The following CCKAR variants were observed in gnomAD, a reference collection of about 807,000 sequenced individuals.
CCKAR encodes the protein cholecystokinin receptor type A.
In CCKAR, 21 loss-of-function variants were observed where a neutral mutation model predicts 29.8. That is an observed-to-expected ratio of 0.70 (90% confidence interval 0.50 to 1.01). The LOEUF (loss-of-function observed/expected upper bound fraction) is 1.01. Among genes scored for constraint, CCKAR ranks in the 50% least tolerant of loss-of-function variants. The pLI is 0.00. For synonymous variants in CCKAR, 238 were observed against 221.3 expected (o/e 1.08, Z -0.67); for missense variants, 570 against 560.6 (o/e 1.02, Z -0.17).
At chr4:26,482,234 C>G in intron 4 of CCKAR, 64 bp from the exon 5 acceptor site, 1 of 1,456,818 alleles carries the variant, frequency 6.9e-7, no homozygotes, top group South Asian at 1.3e-5. Context: ...AGGCATGGAG[C>G]CCCCACTCCC....
chr4:26,485,737 A>G lies in CCKAR; in HGVS notation c.526T>C (p.Tyr176His), dbSNP rs1324441397. The change falls in exon 3 of 5, where the codon TAC becomes CAC. Residue 176 changes from tyrosine to histidine, a missense_variant. Physicochemically the swap from Tyr to His is moderately conservative, Grantham distance 83 (BLOSUM62 2). Transcript: ENST00000295589. ...GGCACCAAGTTGCTATAAATGGGGTACGGAGTCATGATGGTAAAGGAAAGG... is the reference window on the plus strand; with the variant it reads ...GGCACCAAGTTGCTATAAATGGGGTGCGGAGTCATGATGGTAAAGGAAAGG... Reference protein sequence around the residue: ...WCLSFTIMTPYPIYSNLVPFT... With the variant: ...WCLSFTIMTPHPIYSNLVPFT... 2.5e-6 allele frequency: 4 copies of G among 1,614,184 alleles called. No homozygotes were observed. In the East Asian group the frequency reaches 8.9e-5, roughly 36 times the overall value.
Position 26,481,911 on chromosome 4 carries a change from G to A in CCKAR, c.1014C>T (p.Tyr338=), listed in dbSNP as rs200960240. The A allele has an allele frequency of 4.3e-6, 7 of 1,614,120 alleles. No individual in the cohort carries two copies. Among genetic ancestry groups the A allele is most frequent in the Middle Eastern group, 1.6e-4 (1 of 6,084 alleles). The change falls in exon 5 of 5, where the codon TAC becomes TAT. Residue 338 remains tyrosine (Y), a synonymous_variant. Transcript: ENST00000295589. The stretch of plus-strand genomic sequence containing the variant: ...GGCGGCGCTCTGCGGAGGCGGTGTC[G>A]TAGGCCCGCCAGGCGTTGGCGCTGA... ...PIFSANAWRA[Y]DTASAERRLS... is the part of the protein sequence containing the mutation.
At position 26,485,713 on chromosome 4, in the gene CCKAR, G is replaced by A. The variant is rs1737435494; in HGVS notation, c.550C>T (p.Pro184Ser). The change falls in exon 3 of 5, where the codon CCT becomes TCT. Residue 184 changes from proline to serine, a missense_variant. Pro to Ser is a moderately conservative substitution (Grantham distance 74). Transcript: ENST00000295589. ...TPYPIYSNLV[P>S]FTKNNNQTAN... ...GTCTGGTTGTTATTTTTGGTAAAAGGCACCAAGTTGCTATAAATGGGGTAC... is the reference window on the plus strand; with the variant it reads ...GTCTGGTTGTTATTTTTGGTAAAAGACACCAAGTTGCTATAAATGGGGTAC... The A allele has an allele frequency of 1.2e-6, 2 of 1,614,120 alleles. No individual in the cohort carries two copies. Among genetic ancestry groups the A allele is most frequent in the Non-Finnish European group, 1.7e-6 (2 of 1,180,000 alleles).
Position 26,481,793 on chromosome 4 carries a change from G to T in CCKAR, c.1132C>A (p.Arg378Ser). Residue 378 changes from arginine (R) to serine (S), a missense_variant, in exon 5 of 5, where the codon CGC becomes AGC. By Grantham distance (110) the Arg-to-Ser change is moderately radical. Transcript: ENST00000295589. ...GGGAAGGTGGCCATGAAGCCGAGGC[G>T]GAAGCGTTTGTTCATGAAGCAGTAG... ...IIYCFMNKRF[R>S]LGFMATFPCC... 1 of 1,613,952 alleles carries T rather than the reference G, an allele frequency of 6.2e-7. No individual in the cohort carries two copies. The highest frequency in any genetic ancestry group is 1.1e-5 in the South Asian group (1 of 91,022).
chr4:26,482,257 G>T, intron 4 of CCKAR, 87 bp from the exon 5 acceptor site: 2 of 1,307,018 alleles, frequency 1.5e-6, no homozygotes, highest in Admixed American at 4.4e-5. Flanking sequence ...CCATCAAGAA[G>T]TCCAAACCAA....
intron 3 of CCKAR, among the ~76,000 whole-genome samples, 190 bp from the exon 4 acceptor site, chr4:26,483,473 T>C (rs1055241956): frequency 1.3e-5 from 2 of 151,374 alleles, no homozygotes; most frequent in Non-Finnish European, 3.0e-5. Flanking sequence ...TTTTCTTTTT[T>C]TAGATGAAGT....
In CCKAR at chr4:26,490,330, C is replaced by G. The variant is rs1374475241; in HGVS notation, c.-63G>C. ...GTGAATTGCTCACTCCCGGCTCATT[C>G]CTCTAATGACCGAAGCGTCTCGCAG... On this transcript the variant is annotated 5_prime_UTR_variant, in exon 1 of 5. Coordinates refer to ENST00000295589, the MANE Select transcript of CCKAR (RefSeq NM_000730.3). The G allele has an allele frequency of 1.8e-6, 2 of 1,089,476 alleles. No homozygotes were observed. Among genetic ancestry groups the G allele is most frequent in the African/African-American group, 1.5e-5 (1 of 64,944 alleles). 67.5% of individuals were successfully genotyped at this position (1,089,476 alleles called of 1,614,324 possible). A position where few individuals can be genotyped will look rare whatever the true frequency, so the allele number is the denominator to read the frequency against.
At chr4:26,484,283 C>T (rs1191452410) in intron 3 of CCKAR, among the ~76,000 whole-genome samples, 1 of 152,150 alleles carries the variant, frequency 6.6e-6, no homozygotes, top group East Asian at 1.9e-4. Flanking sequence ...TGGAAATATT[C>T]CTCTCATTTG....
intron 3 of CCKAR, 38 bp from the exon 4 acceptor site, chr4:26,483,321 T>C (rs201432135): frequency 4.4e-6 from 7 of 1,605,392 alleles, no homozygotes; most frequent in South Asian, 1.1e-5. Context: ...CCAGCAACTT[T>C]AGACCTTCAA....
rs201916972 is a variant in CCKAR at position 26,481,830 on chromosome 4, G to T, written c.1095C>A (p.Val365=). The T allele has an allele frequency of 2.7e-5, 43 of 1,613,634 alleles. No individual in the cohort carries two copies. Among genetic ancestry groups the T allele is most frequent in the Non-Finnish European group, 3.1e-5 (37 of 1,179,814 alleles). Residue 365 remains valine (V), a synonymous_variant, in exon 5 of 5, where the codon GTC becomes GTA. Coordinates refer to ENST00000295589, the MANE Select transcript of CCKAR (RefSeq NM_000730.3). The part of the protein sequence containing the change: ...ILLLSYTSSC[V]NPIIYCFMNK... The stretch of plus-strand genomic sequence containing the variant: ...TCATGAAGCAGTAGATGATGGGGTT[G>T]ACGCAGGAGGAGGTGTAGGACAGGA...
intron 4 of CCKAR, among the ~76,000 whole-genome samples, chr4:26,482,374 T>C (rs1330119089): frequency 2.0e-5 from 3 of 152,124 alleles, no homozygotes; most frequent in Non-Finnish European, 4.4e-5. Context: ...ATGAATAAAA[T>C]ATATAATAAA....
Position 26,481,832 on chromosome 4 carries a change from C to G in CCKAR, c.1093G>C (p.Val365Leu), listed in dbSNP as rs52795588. The G allele has an allele frequency of 6.2e-7, 1 of 1,613,510 alleles. No individual in the cohort carries two copies. The change falls in exon 5 of 5, where the codon GTC (valine) becomes CTC (leucine). Residue 365 changes from valine to leucine, a missense_variant. Transcript: ENST00000295589. ...ILLLSYTSSCVNPIIYCFMNK... is the reference protein window; with the variant it reads ...ILLLSYTSSCLNPIIYCFMNK... Reference sequence around the variant, plus strand: ...ATGAAGCAGTAGATGATGGGGTTGACGCAGGAGGAGGTGTAGGACAGGAGG... The same window carrying G: ...ATGAAGCAGTAGATGATGGGGTTGAGGCAGGAGGAGGTGTAGGACAGGAGG...
rs370962118 is a variant in CCKAR, at chr4:26,481,794, G to A, written c.1131C>T (p.Phe377=). The stretch of plus-strand genomic sequence containing the variant: ...GGAAGGTGGCCATGAAGCCGAGGCG[G>A]AAGCGTTTGTTCATGAAGCAGTAGA... The part of the protein sequence containing the change: ...PIIYCFMNKR[F]RLGFMATFPC... The change falls in exon 5 of 5, where the codon TTC becomes TTT. Residue 377 remains phenylalanine (F), a synonymous_variant. Coordinates refer to ENST00000295589, the MANE Select transcript of CCKAR (RefSeq NM_000730.3). The A allele has an allele frequency of 1.9e-6, 3 of 1,614,010 alleles. No homozygotes were observed. The highest frequency in any genetic ancestry group is 2.5e-6 in the Non-Finnish European group (3 of 1,179,956).
Position 26,481,723 on chromosome 4 carries a change from C to A in CCKAR, c.1202G>T (p.Gly401Val). ...PGPPGARGEV[G>V]EEEEGGTTGA... ...TGTGGTCCCGCCTTCCTCCTCCTCC[C>A]CCACCTCTCCCCTCGCCCCTGGGGG... The change falls in exon 5 of 5, where the codon GGG becomes GTG. Residue 401 changes from glycine (G) to valine (V), a missense_variant. Gly to Val is a moderately radical substitution (Grantham distance 109). Transcript: ENST00000295589. 6.2e-7 allele frequency: 1 copy of A among 1,614,208 alleles called. No individual in the cohort carries two copies. Among genetic ancestry groups the A allele is most frequent in the African/African-American group, 1.3e-5 (1 of 75,066 alleles).
Position 26,481,793 on chromosome 4 carries a change from G to A in CCKAR, c.1132C>T (p.Arg378Cys). ...IIYCFMNKRF[R>C]LGFMATFPCC... ...GGGAAGGTGGCCATGAAGCCGAGGC[G>A]GAAGCGTTTGTTCATGAAGCAGTAG... The change falls in exon 5 of 5, where the codon CGC (arginine) becomes TGC (cysteine). Residue 378 changes from arginine (R) to cysteine (C), a missense_variant. Physicochemically the swap from Arg to Cys is radical, Grantham distance 180. Coordinates refer to ENST00000295589, the MANE Select transcript of CCKAR (RefSeq NM_000730.3). 2 of 1,613,952 alleles carry A rather than the reference G, an allele frequency of 1.2e-6. No individual in the cohort carries two copies. Among genetic ancestry groups the A allele is most frequent in the Non-Finnish European group, 1.7e-6 (2 of 1,179,916 alleles).
At chr4:26,485,567 A>G (rs1163113565) in intron 3 of CCKAR, 70 bp downstream of exon 3, 1 of 1,535,046 alleles carries the variant, frequency 6.5e-7, no homozygotes, top group African/African-American at 1.4e-5. Flanking sequence ...TGGGCAAGGC[A>G]TCTCAGTTTT....
chr4:26,482,020 G>A lies in CCKAR; in HGVS notation c.905C>T (p.Ala302Val). The A allele has an allele frequency of 1.2e-6, 2 of 1,614,248 alleles. No individual in the cohort carries two copies. Among genetic ancestry groups the A allele is most frequent in the Non-Finnish European group, 1.7e-6 (2 of 1,180,038 alleles). ...CCTTTTCTTGGCCATCAGGTTGGCT[G>A]CGGAGCTGTTACTCCGGATGCGGTT... ...RANRIRSNSS[A>V]ANLMAKKRVI... The change falls in exon 5 of 5, where the codon GCA (alanine) becomes GTA (valine). Residue 302 changes from alanine to valine, a missense_variant. By Grantham distance (64) the Ala-to-Val change is moderately conservative. Transcript: ENST00000295589.
chr4:26,485,984 C>T, intron 2 of CCKAR, 86 bp from the exon 3 acceptor site: 1 of 1,198,006 alleles, frequency 8.3e-7, no homozygotes, highest in Non-Finnish European at 1.2e-6. Flanking sequence ...CTGATCTGCA[C>T]AGGTTTGATA....
Position 26,489,503 on chromosome 4 carries a change from G to A in CCKAR, c.113-19C>T. 12 of 1,611,848 alleles carry A rather than the reference G, an allele frequency of 7.4e-6. No homozygotes were observed. Among genetic ancestry groups the A allele is most frequent in the South Asian group, 5.5e-5 (5 of 91,048 alleles). On this transcript the variant is annotated intron_variant, in intron 1 of 4. Transcript: ENST00000295589. ...TGCCACTCTGCAGAGAGAAACAGGAGCAAGACGGAGGGATGGAGGTGATGA... is the reference window on the plus strand; with the variant it reads ...TGCCACTCTGCAGAGAGAAACAGGAACAAGACGGAGGGATGGAGGTGATGA...
Sources: allele counts gnomAD v4.1 joint callset (sites outside exome capture counted in the v4.1 genomes callset), GRCh38; gene constraint gnomAD v4.1.1; transcripts MANE v1.5; gene names NCBI Gene and HGNC (gene_info 2026-07-23, HGNC 2026-07-21).